Variants in GLIS3 observed in about 807,000 individuals in gnomAD.
GLIS3 encodes GLIS family zinc finger 3.
GLIS3 carries 53 observed loss-of-function variants against 78.6 expected under a neutral mutation model. The observed-to-expected ratio is 0.67, with a 90% CI of 0.54 to 0.85. The LOEUF (loss-of-function observed/expected upper bound fraction) is 0.85. GLIS3 is among the 40% of genes least tolerant of loss of function. The pLI is 0.00. For synonymous variants in GLIS3, 684 were observed against 509.9 expected, an observed-to-expected ratio of 1.34 and a Z score of -4.60; for missense variants, 1,703 against 1,231.1, an observed-to-expected ratio of 1.38 and a Z score of -5.74.
chr9:3,869,127 C>A, intron 8 of GLIS3, among the ~76,000 whole-genome samples: 1 of 152,176 alleles, frequency 6.6e-6, no homozygotes, highest in East Asian at 1.9e-4. Context: ...TAAACACCAG[C>A]GAAAGACAAT....
At chr9:4,413,204 T>G in the GLIS3 span, among the ~76,000 whole-genome samples, 104 of 152,322 alleles carry the variant, frequency 6.8e-4, 1 homozygote, top group African/African-American at 2.5e-3. Flanking sequence ...TCAGAGATTT[T>G]GGATATACAT....
At chr9:4,386,289 G>C in the GLIS3 span, 1 of 151,942 alleles carries the variant, frequency 6.6e-6, no homozygotes, top group African/African-American at 2.4e-5. Context: ...TGTATTATAG[G>C]GCTGCAATGA....
chr9:3,938,710 T>C (rs1018193257), intron 4 of GLIS3, among the ~76,000 whole-genome samples: 1 of 152,220 alleles, frequency 6.6e-6, no homozygotes. Context: ...ATAATTTTGG[T>C]GTTTTCCTGA....
At chr9:4,203,965 A>C (rs1667074730) in intron 2 of GLIS3, among the ~76,000 whole-genome samples, 1 of 152,214 alleles carries the variant, frequency 6.6e-6, no homozygotes, top group Non-Finnish European at 1.5e-5. Context: ...ACAGTGGGGA[A>C]AGAGAAATGG....
intron 2 of GLIS3, among the ~76,000 whole-genome samples, chr9:4,181,263 G>C (rs1817300040): frequency 6.6e-6 from 1 of 152,238 alleles, no homozygotes; most frequent in South Asian, 2.1e-4. Context: ...ACCATGGACA[G>C]CACTCGCCTC....
At chr9:3,943,973 T>A (rs1348556978) in intron 4 of GLIS3, among the ~76,000 whole-genome samples, 1 of 152,218 alleles carries the variant, frequency 6.6e-6, no homozygotes. Flanking sequence ...AACTAGCTCA[T>A]AAATACAACT....
chr9:4,488,879 C>CT, the GLIS3 span, among the ~76,000 whole-genome samples: 373 of 150,686 alleles, frequency 2.5e-3, 2 homozygotes, highest in East Asian at 0.018. Context: ...TTTCTTTTTT[C>CT]TTTTTTTTTG....
chr9:4,293,571 T>G (rs1816213202), intron 1 of GLIS3, among the ~76,000 whole-genome samples: 1 of 152,256 alleles, frequency 6.6e-6, no homozygotes, highest in Admixed American at 6.5e-5. Flanking sequence ...TCGGTCATGC[T>G]GAAAAGGTTG....
At chr9:4,126,231 C>T (rs1586745630) in intron 2 of GLIS3, among the ~76,000 whole-genome samples, 1 of 152,110 alleles carries the variant, frequency 6.6e-6, no homozygotes. Flanking sequence ...ATATCCTTAC[C>T]TAAAGGGTTA....
At chr9:4,166,837 T>C (rs1410844258) in intron 2 of GLIS3, among the ~76,000 whole-genome samples, 2 of 152,240 alleles carry the variant, frequency 1.3e-5, no homozygotes, top group East Asian at 3.8e-4. Flanking sequence ...GATGGTAAGA[T>C]GTAGAGACAG....
intron 2 of GLIS3, among the ~76,000 whole-genome samples, chr9:4,322,442 G>C (rs938355803): frequency 6.6e-6 from 1 of 152,112 alleles, no homozygotes; most frequent in African/African-American, 2.4e-5. Context: ...GGGTCAAATG[G>C]TATTTCTAGT....
chr9:4,434,678 G>A, the GLIS3 span, among the ~76,000 whole-genome samples: 1 of 152,180 alleles, frequency 6.6e-6, no homozygotes, highest in African/African-American at 2.4e-5. Flanking sequence ...CCTCAATCCA[G>A]ATGTAAGCCA....
chr9:4,478,330 C>T, the GLIS3 span, among the ~76,000 whole-genome samples: 5 of 152,190 alleles, frequency 3.3e-5, no homozygotes, highest in East Asian at 1.9e-4. Flanking sequence ...TAAAAAGCCC[C>T]GGCGCAGTGG....
At chr9:4,064,748 T>G (rs750462504) in intron 4 of GLIS3, among the ~76,000 whole-genome samples, 1 of 152,344 alleles carries the variant, frequency 6.6e-6, no homozygotes, top group Admixed American at 6.5e-5. Flanking sequence ...GAGCTGAGAC[T>G]GCGCCAGTCA....
rs1323249566 is a variant in GLIS3, at chr9:3,826,671, CTG to C, written c.*1599_*1600del. On this transcript the variant is annotated 3_prime_UTR_variant, in exon 11 of 11. Coordinates refer to ENST00000381971, the MANE Select transcript of GLIS3 (RefSeq NM_001042413.2). ...AGGTAGAATACTTCCGCTTGTGGGACTGTGGAGGGAGACTGGAAGGACCTGTC... is the reference window on the plus strand; with the variant it reads ...AGGTAGAATACTTCCGCTTGTGGGACTGGAGGGAGACTGGAAGGACCTGTC... The C allele has an allele frequency of 6.6e-6, 1 of 152,164 alleles. No individual in the cohort carries two copies. Among genetic ancestry groups the C allele is most frequent in the Non-Finnish European group, 1.5e-5 (1 of 68,038 alleles). 9.4% of individuals were successfully genotyped at this position (152,164 alleles called of 1,614,324 possible).
At chr9:3,885,788 C>G (rs1822036777) in intron 7 of GLIS3, among the ~76,000 whole-genome samples, 2 of 152,192 alleles carry the variant, frequency 1.3e-5, no homozygotes, top group African/African-American at 4.8e-5. Context: ...ATTCCCTCAG[C>G]CTCATCAGAA....
At chr9:4,124,951 C>T (rs543848751) in intron 3 of GLIS3, among the ~76,000 whole-genome samples, 3 of 152,286 alleles carry the variant, frequency 2.0e-5, no homozygotes, top group African/African-American at 7.2e-5. Flanking sequence ...AGACACAGAC[C>T]TTAAACACTG....
At chr9:3,844,662 A>G (rs1347346176) in intron 9 of GLIS3, among the ~76,000 whole-genome samples, 1 of 152,218 alleles carries the variant, frequency 6.6e-6, no homozygotes, top group Non-Finnish European at 1.5e-5. Flanking sequence ...CTGAGTTCCA[A>G]TCAGGAAAAC....
At chr9:3,992,958 T>C (rs1242974450) in intron 4 of GLIS3, among the ~76,000 whole-genome samples, 1 of 152,218 alleles carries the variant, frequency 6.6e-6, no homozygotes, top group South Asian at 2.1e-4. Flanking sequence ...AGGGTGTTTT[T>C]CTTGTGTGAC....
Sources: allele counts gnomAD v4.1 joint callset (sites outside exome capture counted in the v4.1 genomes callset), GRCh38; gene constraint gnomAD v4.1.1; transcripts MANE v1.5; gene names NCBI Gene and HGNC (gene_info 2026-07-23, HGNC 2026-07-21).